The following CNTN5 variants were observed in gnomAD, a reference collection of about 807,000 sequenced individuals.
The protein encoded by CNTN5 is contactin 5.
In CNTN5, 77 loss-of-function variants were observed where a neutral mutation model predicts 129.1. The observed-to-expected ratio is 0.60, with a 90% CI of 0.50 to 0.72. The LOEUF is 0.72. CNTN5 is among the 30% of genes least tolerant of loss of function. The probability of loss-of-function intolerance (pLI) is 0.00; values close to 1 mark genes in which losing one functional copy is unlikely to be tolerated. For synonymous variants in CNTN5, 509 were observed against 465.6 expected, an observed-to-expected ratio of 1.09 and a Z score of -1.20; for missense variants, 1,478 against 1,328.8, an observed-to-expected ratio of 1.11 and a Z score of -1.75.
In CNTN5 at chr11:100,306,944, C is replaced by A. The variant is rs1951363492; in HGVS notation, c.2621-1415C>A. Among the ~76,000 whole-genome samples, 3 of 151,684 alleles carry A rather than the reference C, an allele frequency of 2.0e-5. No homozygotes were observed. The South Asian group carries it at 6.2e-4, about 31-fold the overall frequency. ...AAATTAATGTGAATTTGCCAAAGCA[C>A]TTTGAGATGACACAATTATAGCAAG... is the stretch of plus-strand genomic sequence containing the variant. On this transcript the variant is annotated intron_variant, in intron 20 of 24. Coordinates refer to ENST00000524871, the MANE Select transcript of CNTN5 (RefSeq NM_014361.4).
At chr11:100,224,212 T>C (rs772247778) in intron 15 of CNTN5, among the ~76,000 whole-genome samples, 11 of 152,184 alleles carry the variant, frequency 7.2e-5, no homozygotes, top group Non-Finnish European at 1.6e-4. Context: ...AACTGAGCAC[T>C]GTCTCATTCT....
intron 7 of CNTN5, among the ~76,000 whole-genome samples, chr11:99,939,659 A>G (rs1039020903): frequency 1.3e-5 from 2 of 152,136 alleles, no homozygotes; most frequent in Non-Finnish European, 2.9e-5. Flanking sequence ...ATAGAAAAAA[A>G]TAGGGCCCAA....
intron 7 of CNTN5, among the ~76,000 whole-genome samples, chr11:99,952,900 G>A (rs1429918993): frequency 2.0e-5 from 3 of 152,054 alleles, no homozygotes; most frequent in Admixed American, 6.6e-5. Flanking sequence ...GTACTTACAG[G>A]GATAAAGAAA....
chr11:99,916,219 T>G lies in CNTN5; in HGVS notation c.673+70T>G. 1.9e-5 allele frequency: 22 copies of G among 1,183,512 alleles called. No homozygotes were observed. In the South Asian group the frequency reaches 2.8e-4, roughly 15 times the overall value. 73.3% of individuals were successfully genotyped at this position (1,183,512 alleles called of 1,614,324 possible). A position where few individuals can be genotyped will look rare whatever the true frequency, so the allele number is the denominator to read the frequency against. On this transcript the variant is annotated intron_variant, in intron 7 of 24. Coordinates refer to ENST00000524871, the MANE Select transcript of CNTN5 (RefSeq NM_014361.4). The stretch of plus-strand genomic sequence containing the variant: ...GCTATGTGTTCATTCTTTTAGACAG[T>G]ATATTGATGGGAGAACATTTCAGGT...
At chr11:99,730,918 C>T (rs188261958) in intron 3 of CNTN5, among the ~76,000 whole-genome samples, 2,178 of 152,224 alleles carry the variant, frequency 0.014, 26 homozygotes, top group South Asian at 0.027. Flanking sequence ...TGCATGTACC[C>T]ATTAACCAAC....
intron 18 of CNTN5, among the ~76,000 whole-genome samples, chr11:100,272,254 T>C (rs34295817): frequency 0.034 from 5,160 of 152,282 alleles, 136 homozygotes; most frequent in Non-Finnish European, 0.052. Context: ...GCATGTCATA[T>C]TTTTAAAGGG....
chr11:100,331,168 G>T (rs1456080492), intron 21 of CNTN5, among the ~76,000 whole-genome samples: 1 of 152,090 alleles, frequency 6.6e-6, no homozygotes, highest in Admixed American at 6.6e-5. Flanking sequence ...TATCAAAAGT[G>T]AGCAGGAGTA....
intron 1 of CNTN5, among the ~76,000 whole-genome samples, chr11:99,040,319 T>A (rs2135133969): frequency 6.6e-6 from 1 of 152,264 alleles, no homozygotes; most frequent in South Asian, 2.1e-4. Context: ...TCTCAAAAAC[T>A]GAATGTGTAG....
At chr11:99,701,250 G>C (rs891883780) in intron 3 of CNTN5, among the ~76,000 whole-genome samples, 2 of 151,170 alleles carry the variant, frequency 1.3e-5, no homozygotes, top group African/African-American at 2.4e-5. Context: ...ATAGGGACTA[G>C]AGTAAAGTGT....
At chr11:99,854,936 G>A (rs913079752) in intron 6 of CNTN5, among the ~76,000 whole-genome samples, 1 of 152,140 alleles carries the variant, frequency 6.6e-6, no homozygotes, top group Admixed American at 6.5e-5. Flanking sequence ...AAAGGATGAT[G>A]CAATAAAATA....
At chr11:100,234,344 T>C (rs1949556063) in intron 16 of CNTN5, among the ~76,000 whole-genome samples, 2 of 152,106 alleles carry the variant, frequency 1.3e-5, no homozygotes, top group East Asian at 1.9e-4. Flanking sequence ...CACATGCACA[T>C]GTATGTTTAT....
At chr11:99,107,228 A>G (rs1172168513) in intron 1 of CNTN5, among the ~76,000 whole-genome samples, 2 of 152,208 alleles carry the variant, frequency 1.3e-5, no homozygotes, top group South Asian at 2.1e-4. Flanking sequence ...GTTTAACAGA[A>G]CTGACATTGG....
At chr11:99,631,350 T>A (rs1173596962) in intron 3 of CNTN5, among the ~76,000 whole-genome samples, 1 of 152,138 alleles carries the variant, frequency 6.6e-6, no homozygotes. Flanking sequence ...AATATCAACC[T>A]GTATAGTAAT....
At chr11:100,351,701 T>G (rs1266503553) in intron 24 of CNTN5, among the ~76,000 whole-genome samples, 2 of 151,262 alleles carry the variant, frequency 1.3e-5, no homozygotes, top group Non-Finnish European at 3.0e-5. Context: ...ATTTCTAATT[T>G]TAAAAGTATT....
chr11:99,843,950 G>A (rs557235372), intron 4 of CNTN5, among the ~76,000 whole-genome samples: 52 of 152,236 alleles, frequency 3.4e-4, no homozygotes, highest in African/African-American at 1.3e-3. Flanking sequence ...GTAACTGTGG[G>A]CTGACATAAC....
intron 1 of CNTN5, among the ~76,000 whole-genome samples, chr11:99,290,814 A>G (rs1408827760): frequency 6.6e-6 from 1 of 151,818 alleles, no homozygotes; most frequent in Non-Finnish European, 1.5e-5. Context: ...GTAATCACTG[A>G]TGAAATGTCG....
intron 1 of CNTN5, among the ~76,000 whole-genome samples, chr11:99,116,367 C>G (rs968340714): frequency 3.9e-5 from 6 of 152,042 alleles, no homozygotes; most frequent in African/African-American, 1.4e-4. Context: ...TCTTTAAGTT[C>G]AATTCTATTA....
At chr11:99,696,907 G>C (rs1028460144) in intron 3 of CNTN5, among the ~76,000 whole-genome samples, 5 of 151,738 alleles carry the variant, frequency 3.3e-5, no homozygotes, top group Non-Finnish European at 7.4e-5. Flanking sequence ...AGTTTACAAA[G>C]AACTTAAGTT....
At chr11:99,556,566 T>TATATATAC (rs1948674841) in intron 3 of CNTN5, among the ~76,000 whole-genome samples, 2 of 118,628 alleles carry the variant, frequency 1.7e-5, no homozygotes, top group Non-Finnish European at 3.3e-5. Flanking sequence ...TATATATATA[T>TATATATAC]ATATATATAT....
Sources: allele counts gnomAD v4.1 joint callset (sites outside exome capture counted in the v4.1 genomes callset), GRCh38; gene constraint gnomAD v4.1.1; transcripts MANE v1.5; gene names NCBI Gene and HGNC (gene_info 2026-07-23, HGNC 2026-07-21).